NCK2: variants seen among roughly 807,000 people sequenced by gnomAD.
NCK2 encodes NCK adaptor protein 2.
A neutral mutation model predicts 33.9 loss-of-function variants in NCK2; 16 were observed. The ratio of observed to expected loss-of-function variants is 0.47; its 90% CI spans 0.32 to 0.72. NCK2 has a LOEUF of 0.72. Among genes scored for constraint, NCK2 ranks in the 30% least tolerant of loss-of-function variants. NCK2 has a pLI of 0.03. For synonymous variants in NCK2, 273 were observed against 239.9 expected (o/e 1.14, Z -1.27); for missense variants, 418 against 537.3 (o/e 0.78, Z 2.19).
At chr2:105,858,784 G>T (rs1320948194) in intron 3 of NCK2, among the ~76,000 whole-genome samples, 3 of 152,214 alleles carry the variant, frequency 2.0e-5, no homozygotes, top group East Asian at 1.9e-4. Flanking sequence ...TTGACAAAAA[G>T]CTCTCTCATG....
At chr2:105,755,398 T>C (rs997088149) in intron 1 of NCK2, among the ~76,000 whole-genome samples, 8 of 140,470 alleles carry the variant, frequency 5.7e-5, no homozygotes, top group Non-Finnish European at 1.5e-5. Context: ...GTGTTGAATT[T>C]GTTGCTTCTT....
chr2:105,873,737 A>C (rs930868129), intron 3 of NCK2, among the ~76,000 whole-genome samples: 4 of 152,182 alleles, frequency 2.6e-5, no homozygotes, highest in Non-Finnish European at 5.9e-5. Flanking sequence ...GAAAACGAAA[A>C]GTTGGCTCAG....
intron 4 of NCK2, among the ~76,000 whole-genome samples, chr2:105,883,133 C>T (rs1458506893): frequency 6.6e-6 from 1 of 152,144 alleles, no homozygotes; most frequent in Non-Finnish European, 1.5e-5. Context: ...CGGAGCCTTA[C>T]ATGTGCTTGG....
At chr2:105,891,070 A>G (rs1678951366) in intron 4 of NCK2, among the ~76,000 whole-genome samples, 1 of 152,190 alleles carries the variant, frequency 6.6e-6, no homozygotes, top group African/African-American at 2.4e-5. Flanking sequence ...CGGAGAGCAC[A>G]TGCTCAGCTC....
chr2:105,765,811 GTGTGTC>G (rs1689920678), intron 1 of NCK2, among the ~76,000 whole-genome samples: 2 of 151,564 alleles, frequency 1.3e-5, no homozygotes, highest in African/African-American at 4.9e-5. Context: ...GTGTGTGTGT[GTGTGTC>G]TGTGTGTGTG....
intron 1 of NCK2, among the ~76,000 whole-genome samples, chr2:105,783,386 C>G (rs147313990): frequency 2.0e-5 from 3 of 152,092 alleles, no homozygotes; most frequent in East Asian, 3.9e-4. Context: ...AAATTGTGCC[C>G]GTGTTCTGGG....
intron 1 of NCK2, among the ~76,000 whole-genome samples, chr2:105,752,915 C>A (rs2104333324): frequency 6.6e-6 from 1 of 152,292 alleles, no homozygotes; most frequent in South Asian, 2.1e-4. Context: ...GACACAGACA[C>A]ACACACACAC....
intron 3 of NCK2, among the ~76,000 whole-genome samples, chr2:105,870,503 C>T (rs575445746): frequency 6.6e-6 from 1 of 152,282 alleles, no homozygotes; most frequent in South Asian, 2.1e-4. Flanking sequence ...ACCTGTAATT[C>T]CCAGCACAGT....
intron 4 of NCK2, among the ~76,000 whole-genome samples, chr2:105,885,072 T>C (rs1678669470): frequency 6.6e-6 from 1 of 152,234 alleles, no homozygotes; most frequent in African/African-American, 2.4e-5. Context: ...GGGTTTCTGG[T>C]AAACTGTACA....
intron 1 of NCK2, among the ~76,000 whole-genome samples, chr2:105,780,094 A>G (rs781118251): frequency 2.6e-5 from 4 of 152,174 alleles, no homozygotes; most frequent in African/African-American, 4.8e-5. Flanking sequence ...TTAACTGAGC[A>G]TATTTTGGAC....
chr2:105,796,667 T>C (rs1691092775), intron 1 of NCK2, among the ~76,000 whole-genome samples: 1 of 152,238 alleles, frequency 6.6e-6, no homozygotes. Context: ...TTTAGTGTTA[T>C]TCCAGAAGCT....
intron 4 of NCK2, among the ~76,000 whole-genome samples, chr2:105,888,176 C>G (rs1678795193): frequency 6.6e-6 from 1 of 152,140 alleles, no homozygotes; most frequent in Non-Finnish European, 1.5e-5. Context: ...TTAGATTCCA[C>G]TTGGAAAATG....
chr2:105,756,798 A>G (rs1689609744), intron 1 of NCK2, among the ~76,000 whole-genome samples: 1 of 152,140 alleles, frequency 6.6e-6, no homozygotes, highest in South Asian at 2.1e-4. Context: ...TTCAAACAGT[A>G]TCATTCTGAA....
intron 1 of NCK2, chr2:105,745,723 C>T (rs1362174541): frequency 6.6e-6 from 1 of 152,282 alleles, no homozygotes; most frequent in African/African-American, 2.4e-5. Flanking sequence ...GTCCTCGCTT[C>T]GGCGAAGGGA....
rs534354614 is a variant in NCK2, at chr2:105,744,995, G to GGTCCGCCCGGGCCGGCAGC, written c.-333_-315dup. The stretch of plus-strand genomic sequence containing the variant: ...AGGCTCGCGGCGCCCGGGCCGGCAG[G>GGTCCGCCCGGGCCGGCAGC]GTCCGCCCGGGCCGGCAGCGTCCGC... On this transcript the variant is annotated 5_prime_UTR_variant, in exon 1 of 5. Transcript: ENST00000233154. 10 of 140,622 alleles carry GGTCCGCCCGGGCCGGCAGC rather than the reference G, an allele frequency of 7.1e-5. No individual in the cohort carries two copies. The highest frequency in any genetic ancestry group is 2.0e-4 in the East Asian group (1 of 4,942). The allele number at this position is 140,622 out of a possible 1,614,324, so 8.7% of individuals were successfully genotyped here. A position where few individuals can be genotyped will look rare whatever the true frequency, so the allele number is the denominator to read the frequency against.
chr2:105,875,740 G>A (rs1342319891), intron 3 of NCK2, among the ~76,000 whole-genome samples: 1 of 152,188 alleles, frequency 6.6e-6, no homozygotes, highest in African/African-American at 2.4e-5. Context: ...CTCCAGAATG[G>A]TGAGAAATAA....
chr2:105,777,739 G>A (rs1278536050), intron 1 of NCK2, among the ~76,000 whole-genome samples: 2 of 152,162 alleles, frequency 1.3e-5, no homozygotes, highest in Non-Finnish European at 1.5e-5. Flanking sequence ...TGCATATGTT[G>A]TGGGTGGAGA....
chr2:105,773,263 A>G (rs1690193022), intron 1 of NCK2, among the ~76,000 whole-genome samples: 4 of 151,970 alleles, frequency 2.6e-5, no homozygotes, highest in South Asian at 2.1e-4. Context: ...AACATCAGCA[A>G]TTGCAGTTGT....
At chr2:105,827,673 G>A (rs573173525) in intron 2 of NCK2, among the ~76,000 whole-genome samples, 1 of 152,136 alleles carries the variant, frequency 6.6e-6, no homozygotes, top group Non-Finnish European at 1.5e-5. Context: ...TCTTTTAATA[G>A]AATTTCTTCT....
Sources: allele counts gnomAD v4.1 joint callset (sites outside exome capture counted in the v4.1 genomes callset), GRCh38; gene constraint gnomAD v4.1.1; transcripts MANE v1.5; gene names NCBI Gene and HGNC (gene_info 2026-07-23, HGNC 2026-07-21).